Variants in TENM4 observed in about 807,000 individuals in gnomAD.
TENM4 encodes the protein teneurin transmembrane protein 4, also known as teneurin-4.
Under a neutral mutation model 243.3 loss-of-function variants are expected in TENM4, and 82 were observed. The observed-to-expected ratio is 0.34, with a 90% CI of 0.28 to 0.40. The LOEUF is 0.40. Ranked by LOEUF, TENM4 falls within the 10% of genes least tolerant of loss-of-function variation. The pLI, the probability that TENM4 is intolerant of heterozygous loss-of-function variation, is 1.00. For synonymous variants in TENM4, 1,412 were observed against 1,456.3 expected (o/e 0.97, Z 0.69); for missense variants, 3,138 against 3,673.3 (o/e 0.85, Z 3.77).
At chr11:79,383,477 A>G (rs1858048189) in intron 1 of TENM4, among the ~76,000 whole-genome samples, 1 of 152,142 alleles carries the variant, frequency 6.6e-6, no homozygotes, top group Non-Finnish European at 1.5e-5. Context: ...CTATTTTCTG[A>G]TGAGAATCTG....
intron 17 of TENM4, among the ~76,000 whole-genome samples, chr11:78,777,118 T>C (rs1856754347): frequency 6.6e-6 from 1 of 152,150 alleles, no homozygotes; most frequent in Admixed American, 6.5e-5. Flanking sequence ...AGGAAAATTT[T>C]CCATCAAATA....
chr11:79,003,894 C>G (rs1219849913), intron 6 of TENM4, among the ~76,000 whole-genome samples: 2 of 151,722 alleles, frequency 1.3e-5, no homozygotes, highest in Non-Finnish European at 2.9e-5. Flanking sequence ...GAGACCATCT[C>G]ACATGCTATG....
chr11:79,256,925 C>T (rs1192551460), intron 2 of TENM4, among the ~76,000 whole-genome samples: 5 of 152,180 alleles, frequency 3.3e-5, no homozygotes, highest in Admixed American at 3.3e-4. Context: ...CCAAGATGAG[C>T]AAGACATAAC....
At chr11:78,939,116 C>G (rs1856840546) in intron 6 of TENM4, among the ~76,000 whole-genome samples, 1 of 152,188 alleles carries the variant, frequency 6.6e-6, no homozygotes, top group Admixed American at 6.5e-5. Flanking sequence ...GGAAATCACA[C>G]ATTTCTGTGG....
At chr11:78,720,453 A>G in intron 24 of TENM4, 63 bp from the exon 25 acceptor site, 8 of 1,573,144 alleles carry the variant, frequency 5.1e-6, no homozygotes, top group Non-Finnish European at 7.0e-6. Flanking sequence ...CAGGGTTAGA[A>G]GCATTATTAG....
At chr11:79,170,962 T>G (rs1264519105) in intron 3 of TENM4, among the ~76,000 whole-genome samples, 1 of 152,152 alleles carries the variant, frequency 6.6e-6, no homozygotes, top group Non-Finnish European at 1.5e-5. Context: ...CCCCAATCTC[T>G]GTGTGAAAGC....
intron 2 of TENM4, among the ~76,000 whole-genome samples, chr11:79,294,102 GGC>G (rs1374605390): frequency 1.3e-5 from 2 of 152,108 alleles, no homozygotes; most frequent in African/African-American, 4.8e-5. Context: ...TTTAATGCAT[GGC>G]TAATGAAATA....
rs201429886 is a variant in TENM4, at chr11:78,658,553, C to G, written c.7815G>C (p.Glu2605Asp). ...CCCCATCAATGGTGAAGTGCAGGTT[C>G]TCTAGGTAGTGGGCATGGTTCAAGA... ...AAILNHAHYL[E>D]NLHFTIDGVD... Residue 2605 changes from glutamate (E) to aspartate (D), a missense_variant, in exon 34 of 34, where the codon GAG (glutamate) becomes GAC (aspartate). Transcript: ENST00000278550. 3 of 1,613,904 alleles carry G rather than the reference C, an allele frequency of 1.9e-6. No individual in the cohort carries two copies. In the African/African-American group the frequency reaches 4.0e-5, roughly 22 times the overall value.
At chr11:78,837,524 C>T (rs1210286309) in intron 12 of TENM4, among the ~76,000 whole-genome samples, 2 of 152,156 alleles carry the variant, frequency 1.3e-5, no homozygotes, top group East Asian at 3.8e-4. Flanking sequence ...TTGGTAGATC[C>T]ACTGGACTCC....
chr11:79,113,206 G>A (rs1341077940), intron 4 of TENM4, among the ~76,000 whole-genome samples: 4 of 152,116 alleles, frequency 2.6e-5, no homozygotes, highest in Non-Finnish European at 5.9e-5. Flanking sequence ...TGAGGGTCAG[G>A]GATATAAGCT....
chr11:78,693,744 T>A (rs1379278036), intron 28 of TENM4, among the ~76,000 whole-genome samples: 2 of 152,226 alleles, frequency 1.3e-5, no homozygotes, highest in Non-Finnish European at 2.9e-5. Context: ...CCAGGCGCAG[T>A]GACTCACGCC....
At chr11:78,686,242 G>T (rs1858666591) in intron 29 of TENM4, among the ~76,000 whole-genome samples, 1 of 152,194 alleles carries the variant, frequency 6.6e-6, no homozygotes, top group African/African-American at 2.4e-5. Flanking sequence ...GGCCCAAGAA[G>T]ACAGAGTTTG....
chr11:79,013,726 G>C (rs1415125055), intron 6 of TENM4, among the ~76,000 whole-genome samples: 1 of 152,218 alleles, frequency 6.6e-6, no homozygotes, highest in African/African-American at 2.4e-5. Context: ...CCATGAGTCA[G>C]CCATTCCAGA....
chr11:79,118,114 A>G (rs1861658592), intron 4 of TENM4, among the ~76,000 whole-genome samples: 1 of 152,168 alleles, frequency 6.6e-6, no homozygotes, highest in African/African-American at 2.4e-5. Context: ...CCATTTTTAA[A>G]AATGATAAAA....
At chr11:79,035,051 A>T (rs2136873047) in intron 6 of TENM4, among the ~76,000 whole-genome samples, 1 of 152,346 alleles carries the variant, frequency 6.6e-6, no homozygotes, top group Middle Eastern at 3.4e-3. Flanking sequence ...CAAGGACATG[A>T]GGCCTTTGAG....
At chr11:79,294,718 G>A (rs528456335) in intron 2 of TENM4, among the ~76,000 whole-genome samples, 4 of 152,044 alleles carry the variant, frequency 2.6e-5, no homozygotes, top group Non-Finnish European at 2.9e-5. Context: ...GGGTGGTGGC[G>A]GTTGCATGTA....
At chr11:79,111,381 TAA>T (rs902008917) in intron 4 of TENM4, among the ~76,000 whole-genome samples, 8 of 152,062 alleles carry the variant, frequency 5.3e-5, no homozygotes, top group Non-Finnish European at 7.4e-5. Context: ...GCATCTCTAC[TAA>T]AAATACAAAA....
intron 28 of TENM4, among the ~76,000 whole-genome samples, chr11:78,689,124 G>T (rs1194719012): frequency 2.0e-5 from 3 of 152,220 alleles, no homozygotes; most frequent in Non-Finnish European, 4.4e-5. Flanking sequence ...GCTTGGAAGA[G>T]TGAAGTCACC....
chr11:78,883,702 C>G (rs533924), intron 9 of TENM4, among the ~76,000 whole-genome samples: 146,319 of 152,378 alleles, frequency 0.96, 70,433 homozygotes, highest in Middle Eastern at 1. Flanking sequence ...TTTACATACA[C>G]ATTCAGAACA....
Sources: allele counts gnomAD v4.1 joint callset (sites outside exome capture counted in the v4.1 genomes callset), GRCh38; gene constraint gnomAD v4.1.1; transcripts MANE v1.5; gene names NCBI Gene and HGNC (gene_info 2026-07-23, HGNC 2026-07-21).